Variants in CHRM3 observed in about 807,000 individuals in gnomAD.
CHRM3 encodes muscarinic acetylcholine receptor M3.
In CHRM3, 11 loss-of-function variants were observed where a neutral mutation model predicts 41.8. The observed-to-expected ratio is 0.26, with a 90% CI of 0.17 to 0.44. The LOEUF (loss-of-function observed/expected upper bound fraction) is 0.44, where lower values mean the gene tolerates loss of function less well. Ranked by LOEUF, CHRM3 falls within the 20% of genes least tolerant of loss-of-function variation. CHRM3 has a pLI of 1.00. For missense variants in CHRM3, 571 were observed against 745.4 expected, an observed-to-expected ratio of 0.77 and a Z score of 2.72; for synonymous variants, 297 against 301.4, an observed-to-expected ratio of 0.99 and a Z score of 0.15.
intron 1 of CHRM3, among the ~76,000 whole-genome samples, chr1:239,434,512 G>A (rs778157109): frequency 8.5e-5 from 13 of 152,118 alleles, no homozygotes; most frequent in Non-Finnish European, 1.6e-4. Context: ...AATTTACCAC[G>A]TCTGTTTATA....
chr1:239,821,195 G>A (rs1336049869), intron 5 of CHRM3, among the ~76,000 whole-genome samples: 2 of 152,128 alleles, frequency 1.3e-5, no homozygotes, highest in African/African-American at 4.8e-5. Context: ...TTAACTCTAT[G>A]GTGTTTCCAA....
chr1:239,598,191 C>T (rs1665037077), intron 3 of CHRM3, among the ~76,000 whole-genome samples: 1 of 152,010 alleles, frequency 6.6e-6, no homozygotes, highest in Non-Finnish European at 1.5e-5. Flanking sequence ...AGAAAGGCCT[C>T]AGTTACTATT....
At chr1:239,643,477 C>T (rs1045730803) in intron 4 of CHRM3, among the ~76,000 whole-genome samples, 3 of 152,206 alleles carry the variant, frequency 2.0e-5, no homozygotes, top group Admixed American at 6.5e-5. Context: ...CAATGGTGGG[C>T]GCCCCTCCCC....
intron 4 of CHRM3, among the ~76,000 whole-genome samples, chr1:239,634,889 C>T (rs1005300594): frequency 1.3e-5 from 2 of 152,172 alleles, no homozygotes; most frequent in Non-Finnish European, 2.9e-5. Context: ...CATTTCACCT[C>T]TCTGGACCTT....
At position 239,555,775 on chromosome 1, in the gene CHRM3, C is replaced by T. The variant is rs542037429; in HGVS notation, c.-313+10026C>T. Reference sequence around the variant, plus strand: ...AGCAGTCACAAAGCTGTAATGCTGCCTCTTCAACAAAACTGTTTTCCTCTA... The same window carrying T: ...AGCAGTCACAAAGCTGTAATGCTGCTTCTTCAACAAAACTGTTTTCCTCTA... On this transcript the variant is annotated intron_variant, in intron 3 of 6. Transcript: ENST00000676153. Among the ~76,000 whole-genome samples the T allele has an allele frequency of 1.8e-4, 28 of 152,344 alleles. No individual in the cohort carries two copies. The South Asian group carries it at 5.6e-3, about 30-fold the overall frequency.
intron 1 of CHRM3, among the ~76,000 whole-genome samples, chr1:239,397,012 C>G (rs1659541723): frequency 6.6e-6 from 1 of 152,148 alleles, no homozygotes; most frequent in African/African-American, 2.4e-5. Context: ...TGCCTTTATT[C>G]AGCAATTTCT....
intron 2 of CHRM3, among the ~76,000 whole-genome samples, chr1:239,508,134 T>C (rs2148180741): frequency 6.6e-6 from 1 of 152,292 alleles, no homozygotes; most frequent in East Asian, 1.9e-4. Context: ...TTCAAATTAA[T>C]TTCCCAAAGA....
intron 6 of CHRM3, among the ~76,000 whole-genome samples, chr1:239,893,733 TAA>T (rs5782109): frequency 0.79 from 101,757 of 128,950 alleles, 43,363 homozygotes; most frequent in East Asian, 0.95. Context: ...TTTGAAATCA[TAA>T]AAAAAAAAAA....
chr1:239,587,527 G>T (rs114898389), intron 3 of CHRM3, among the ~76,000 whole-genome samples: 3 of 152,322 alleles, frequency 2.0e-5, no homozygotes, highest in Non-Finnish European at 2.9e-5. Context: ...TCAGGAAGCA[G>T]AGGGTTGCCA....
intron 5 of CHRM3, among the ~76,000 whole-genome samples, chr1:239,762,417 C>T (rs184278723): frequency 2.8e-4 from 43 of 152,184 alleles, no homozygotes; most frequent in Admixed American, 2.6e-3. Flanking sequence ...TTGAAATCCC[C>T]GGTTGCATAG....
intron 6 of CHRM3, among the ~76,000 whole-genome samples, chr1:239,899,500 A>G (rs76877788): frequency 6.6e-6 from 1 of 150,532 alleles, no homozygotes; most frequent in East Asian, 2.0e-4. Flanking sequence ...ACACATGTAT[A>G]TATACACACA....
At chr1:239,643,919 G>A (rs1376817034) in intron 4 of CHRM3, among the ~76,000 whole-genome samples, 2 of 152,146 alleles carry the variant, frequency 1.3e-5, no homozygotes, top group Admixed American at 1.3e-4. Context: ...TCTCATCAAA[G>A]TGTTGATAGT....
chr1:239,455,401 C>T (rs1664856224), intron 1 of CHRM3, among the ~76,000 whole-genome samples: 1 of 151,782 alleles, frequency 6.6e-6, no homozygotes, highest in Admixed American at 6.6e-5. Flanking sequence ...AGGCAGGTCC[C>T]TCAAGGGGTG....
At chr1:239,479,208 AC>A (rs1211682286) in intron 1 of CHRM3, among the ~76,000 whole-genome samples, 17 of 151,788 alleles carry the variant, frequency 1.1e-4, no homozygotes, top group African/African-American at 4.1e-4. Context: ...ACACACACAC[AC>A]ACACACACAC....
chr1:239,853,033 G>GT lies in CHRM3; in HGVS notation c.-20+25661dup, dbSNP rs1167086638. On this transcript the variant is annotated intron_variant, in intron 6 of 6. Coordinates refer to ENST00000676153, the MANE Select transcript of CHRM3 (RefSeq NM_001375978.1). ...AAATGAATTTATTTTACCCTTATGG[G>GT]TTTTTTCTTTCTATTCCTTAAGGTT... 2.0e-5 allele frequency among the ~76,000 whole-genome samples: 3 copies of GT among 151,820 alleles called. No homozygotes were observed. The East Asian group carries it at 5.8e-4, about 29-fold the overall frequency.
At chr1:239,885,000 A>T (rs751923099) in intron 6 of CHRM3, among the ~76,000 whole-genome samples, 36 of 152,210 alleles carry the variant, frequency 2.4e-4, no homozygotes, top group Non-Finnish European at 4.9e-4. Flanking sequence ...ACCTTACAAC[A>T]ATCTGACTGC....
At chr1:239,486,949 C>T (rs1667220510) in intron 1 of CHRM3, among the ~76,000 whole-genome samples, 2 of 152,158 alleles carry the variant, frequency 1.3e-5, no homozygotes, top group South Asian at 2.1e-4. Flanking sequence ...ATATGAAGAA[C>T]CATTTGCTCT....
At chr1:239,481,084 C>A (rs1666821437) in intron 1 of CHRM3, among the ~76,000 whole-genome samples, 1 of 152,072 alleles carries the variant, frequency 6.6e-6, no homozygotes, top group Admixed American at 6.6e-5. Flanking sequence ...TGGAATTTGG[C>A]AGCTGTTAAA....
At chr1:239,604,022 A>G (rs1004223833) in intron 3 of CHRM3, among the ~76,000 whole-genome samples, 7 of 152,208 alleles carry the variant, frequency 4.6e-5, no homozygotes, top group Admixed American at 1.3e-4. Context: ...ATTAGTAAAA[A>G]TGAAGGGGAT....
Sources: gnomAD v4.1 joint callset for allele counts (sites outside exome capture counted in the v4.1 genomes callset) on GRCh38, gnomAD v4.1.1 for gene constraint, MANE v1.5 for transcripts, NCBI Gene and HGNC (gene_info 2026-07-23, HGNC 2026-07-21) for gene names.